Variants in CSMD3 observed in about 807,000 individuals in gnomAD.
The protein encoded by CSMD3 is CUB and Sushi multiple domains 3, also known as CUB and sushi domain-containing protein 3.
A neutral mutation model predicts 435.2 loss-of-function variants in CSMD3; 177 were observed. The observed-to-expected ratio is 0.41, with a 90% CI of 0.36 to 0.46. The LOEUF (loss-of-function observed/expected upper bound fraction) is 0.46. CSMD3 is among the 20% of genes least tolerant of loss of function. The pLI is 0.34. For missense variants in CSMD3, 4,265 were observed against 4,504.6 expected (o/e 0.95, Z 1.52); for synonymous variants, 1,656 against 1,520.5 (o/e 1.09, Z -2.07).
intron 32 of CSMD3, among the ~76,000 whole-genome samples, chr8:112,432,985 T>G (rs1426190043): frequency 6.6e-6 from 1 of 152,120 alleles, no homozygotes; most frequent in Admixed American, 6.6e-5. Flanking sequence ...CAGTTACAAC[T>G]TAATTCTGAA....
At position 112,302,005 on chromosome 8, in the gene CSMD3, A is replaced by AT. The variant is rs757753399; in HGVS notation, c.8267-40_8267-39insA. On this transcript the variant is annotated intron_variant, in intron 52 of 70. Coordinates refer to ENST00000297405, the MANE Select transcript of CSMD3 (RefSeq NM_198123.2). ...AATAAATAAAAATCCTTAAAGATAT[A>AT]GTCAAGCTGCACTTGTAACAAAACT... 9.4e-6 allele frequency: 13 copies of AT among 1,381,148 alleles called. No individual in the cohort carries two copies. In the East Asian group the frequency reaches 2.9e-4, roughly 31 times the overall value. The allele number at this position is 1,381,148 out of a possible 1,614,324, so 85.6% of individuals were successfully genotyped here. A position where few individuals can be genotyped will look rare whatever the true frequency, so the allele number is the denominator to read the frequency against.
At chr8:113,100,451 T>C (rs970104486) in intron 4 of CSMD3, among the ~76,000 whole-genome samples, 10 of 152,116 alleles carry the variant, frequency 6.6e-5, no homozygotes, top group Admixed American at 2.0e-4. Context: ...CAACATTGAA[T>C]ACTGCTTTGA....
Position 112,263,629 on chromosome 8 carries a change from T to C in CSMD3, c.9862+10A>G. 1 of 1,612,086 alleles carries C rather than the reference T, an allele frequency of 6.2e-7. No individual in the cohort carries two copies. The highest frequency in any genetic ancestry group is 8.5e-7 in the Non-Finnish European group (1 of 1,178,798). Reference sequence around the variant, plus strand: ...TTTAAGTAACAGTTGTTAGTAGAAATCATACTTACGTAAGCACTGCGGTAC... The same window carrying C: ...TTTAAGTAACAGTTGTTAGTAGAAACCATACTTACGTAAGCACTGCGGTAC... On this transcript the variant is annotated intron_variant, in intron 61 of 70. Coordinates refer to ENST00000297405, the MANE Select transcript of CSMD3 (RefSeq NM_198123.2).
chr8:112,352,954 G>C (rs997220426), intron 38 of CSMD3, among the ~76,000 whole-genome samples: 17 of 150,830 alleles, frequency 1.1e-4, no homozygotes, highest in Non-Finnish European at 2.4e-4. Flanking sequence ...TTGCTATTTT[G>C]TCTTCCTTGC....
intron 1 of CSMD3, among the ~76,000 whole-genome samples, chr8:113,368,515 A>C (rs888448661): frequency 1.3e-5 from 2 of 152,128 alleles, no homozygotes; most frequent in African/African-American, 4.8e-5. Context: ...AATATGGATA[A>C]ATATGTTTCT....
rs781064703 is a variant in CSMD3 at position 112,289,489 on chromosome 8, G to A, written c.9024C>T (p.Gly3008=). 1.6e-5 allele frequency: 26 copies of A among 1,612,790 alleles called. No individual in the cohort carries two copies. Among genetic ancestry groups the A allele is most frequent in the East Asian group, 2.2e-5 (1 of 44,830 alleles). ...CAGTAGACCCAAAAGTATACTTCTC[G>A]CCAGACAGGACTGCATTAGGAGGAA... ...PGVPPNAVLS[G]EKYTFGSTVH... is the part of the protein sequence containing the mutation. Residue 3008 remains glycine, a synonymous_variant, in exon 57 of 71, where the codon GGC becomes GGT. Transcript: ENST00000297405.
rs768299654 is a variant in CSMD3, at chr8:112,876,126, CAAG to C, written c.1634-16863_1634-16861del. 1.4e-3 allele frequency among the ~76,000 whole-genome samples: 219 copies of C among 152,034 alleles called. 1 individual carries two copies. Among genetic ancestry groups the C allele is most frequent in the East Asian group, 1.9e-3 (10 of 5,158 alleles). On this transcript the variant is annotated intron_variant, in intron 10 of 70. Coordinates refer to ENST00000297405, the MANE Select transcript of CSMD3 (RefSeq NM_198123.2). ...GCACATACACCCTCTTAAAATAAACCAAGAAGAAGTTGAATCCCTGAATAGACC... is the reference window on the plus strand; with the variant it reads ...GCACATACACCCTCTTAAAATAAACCAAGAAGTTGAATCCCTGAATAGACC...
intron 31 of CSMD3, among the ~76,000 whole-genome samples, chr8:112,485,538 A>G (rs956335464): frequency 6.6e-6 from 1 of 152,130 alleles, no homozygotes; most frequent in African/African-American, 2.4e-5. Context: ...TGTAAACCTC[A>G]AGGACATTTG....
chr8:112,318,445 C>T (rs1353678929), intron 47 of CSMD3, among the ~76,000 whole-genome samples: 2 of 151,958 alleles, frequency 1.3e-5, no homozygotes, highest in African/African-American at 4.8e-5. Context: ...CATTGTGTAA[C>T]AGGTACTCAA....
intron 1 of CSMD3, among the ~76,000 whole-genome samples, chr8:113,396,977 G>A (rs1350728441): frequency 1.3e-5 from 2 of 152,058 alleles, no homozygotes; most frequent in Non-Finnish European, 2.9e-5. Flanking sequence ...AGGTACTGTT[G>A]AAGTTGAAAG....
At chr8:113,302,307 T>TTATATA (rs1449016737) in intron 2 of CSMD3, among the ~76,000 whole-genome samples, 12 of 141,218 alleles carry the variant, frequency 8.5e-5, no homozygotes, top group African/African-American at 3.1e-4. Context: ...ATAATATATA[T>TTATATA]ATTATATATA....
chr8:113,316,387 TTTTA>T (rs1431122585), intron 1 of CSMD3, among the ~76,000 whole-genome samples: 1 of 152,148 alleles, frequency 6.6e-6, no homozygotes, highest in East Asian at 1.9e-4. Flanking sequence ...TATGGATACT[TTTTA>T]AAAGTAAGAG....
At chr8:112,781,842 T>G (rs1220332956) in intron 13 of CSMD3, among the ~76,000 whole-genome samples, 7 of 152,162 alleles carry the variant, frequency 4.6e-5, no homozygotes, top group Non-Finnish European at 1.0e-4. Context: ...AGTATCTCCA[T>G]AAGACTGCAA....
intron 32 of CSMD3, among the ~76,000 whole-genome samples, chr8:112,445,786 C>T (rs962774012): frequency 5.3e-5 from 8 of 152,104 alleles, no homozygotes; most frequent in African/African-American, 1.4e-4. Context: ...CTGACTTTAA[C>T]AGGATACAAT....
intron 35 of CSMD3, among the ~76,000 whole-genome samples, chr8:112,402,001 T>G (rs548281848): frequency 1.3e-5 from 2 of 152,332 alleles, no homozygotes; most frequent in African/African-American, 4.8e-5. Context: ...CATCGAATAC[T>G]TTTAGAATTG....
chr8:113,265,495 A>C (rs1392668745), intron 3 of CSMD3, among the ~76,000 whole-genome samples: 1 of 151,622 alleles, frequency 6.6e-6, no homozygotes, highest in Non-Finnish European at 1.5e-5. Flanking sequence ...TGGGGGTGAT[A>C]AAATATTACT....
chr8:113,109,802 G>A (rs1035950040), intron 4 of CSMD3, among the ~76,000 whole-genome samples: 1 of 152,134 alleles, frequency 6.6e-6, no homozygotes, highest in Non-Finnish European at 1.5e-5. Flanking sequence ...AACTCTTCAT[G>A]GTGGCTTCAC....
At chr8:112,489,848 T>C (rs954514674) in intron 31 of CSMD3, among the ~76,000 whole-genome samples, 1 of 152,178 alleles carries the variant, frequency 6.6e-6, no homozygotes, top group Non-Finnish European at 1.5e-5. Context: ...TCGATTTCCA[T>C]AATATCATGT....
intron 3 of CSMD3, among the ~76,000 whole-genome samples, chr8:113,180,201 A>T (rs2092404197): frequency 6.6e-6 from 1 of 152,012 alleles, no homozygotes; most frequent in African/African-American, 2.4e-5. Flanking sequence ...GCATAACATC[A>T]AGCTGAAACA....
Sources: gnomAD v4.1 joint callset for allele counts (sites outside exome capture counted in the v4.1 genomes callset) on GRCh38, gnomAD v4.1.1 for gene constraint, MANE v1.5 for transcripts, NCBI Gene and HGNC (gene_info 2026-07-23, HGNC 2026-07-21) for gene names.